The following KIF20A variants were observed in gnomAD, a reference collection of about 807,000 sequenced individuals.
KIF20A encodes kinesin family member 20A, also known as kinesin-like protein KIF20A.
In KIF20A, 66 loss-of-function variants were observed where a neutral mutation model predicts 113.0. The ratio of observed to expected loss-of-function variants is 0.58; its 90% CI spans 0.48 to 0.72. KIF20A has a LOEUF of 0.72. Ranked by LOEUF, KIF20A falls within the 30% of genes least tolerant of loss-of-function variation. KIF20A has a pLI of 0.00. For synonymous variants in KIF20A, 376 were observed against 402.3 expected (o/e 0.93, Z 0.78); for missense variants, 927 against 1,077.6 (o/e 0.86, Z 1.96).
At position 138,183,026 on chromosome 5, in the gene KIF20A, A is replaced by C; in HGVS notation, c.832+36A>C. 6.2e-7 allele frequency: 1 copy of C among 1,613,448 alleles called. No homozygotes were observed. The highest frequency in any genetic ancestry group is 8.5e-7 in the Non-Finnish European group (1 of 1,179,744). On this transcript the variant is annotated intron_variant, in intron 7 of 18. Transcript: ENST00000394894. The surrounding 1 kb of genome is among the most constrained non-coding windows in gnomAD (Gnocchi z 5.2). ...TGACTGGGCTCTGCCAAAAAATAGT[A>C]GGAACTCACTCCCTGTTCCTAATAG...
rs951954060 is a variant in KIF20A, at chr5:138,185,093, A to C, written c.1824-2A>C. On this transcript the variant is annotated splice_acceptor_variant, in intron 14 of 18. Transcript: ENST00000394894. LOFTEE classifies it high-confidence loss of function. ...CTCTCTTTTCTCCTCTGTTTCTGACAGTGAACATTTGGACACCCAAAAGGA... is the reference window on the plus strand; with the variant it reads ...CTCTCTTTTCTCCTCTGTTTCTGACCGTGAACATTTGGACACCCAAAAGGA... 10 of 1,611,546 alleles carry C rather than the reference A, an allele frequency of 6.2e-6. No individual in the cohort carries two copies. In the African/African-American group the frequency reaches 1.3e-4, roughly 22 times the overall value.
chr5:138,186,962 C>G (rs753249407), intron 18 of KIF20A, 134 bp from the exon 19 acceptor site: 259 of 708,570 alleles, frequency 3.7e-4, no homozygotes, highest in Non-Finnish European at 5.5e-4. Context: ...TAAGCTCCGA[C>G]CTTAAAGAGT....
chr5:138,184,852 G>A lies in KIF20A; in HGVS notation c.1729G>A (p.Glu577Lys), dbSNP rs200142157. Residue 577 changes from glutamate to lysine, a missense_variant, in exon 14 of 19, where the codon GAA becomes AAA. Glu to Lys is a moderately conservative substitution (Grantham distance 56, BLOSUM62 1). Coordinates refer to ENST00000394894, the MANE Select transcript of KIF20A (RefSeq NM_005733.3). ...AGCCATGAAGACACTGCTTTTGAAG[G>A]AACGACAGGAAAAGCTACAGCTGGA... ...VEAMKTLLLKERQEKLQLEMH... is the reference protein window; with the variant it reads ...VEAMKTLLLKKRQEKLQLEMH... 2.0e-5 allele frequency: 33 copies of A among 1,614,172 alleles called. No homozygotes were observed. In the African/African-American group the frequency reaches 3.7e-4, roughly 18 times the overall value.
Position 138,187,181 on chromosome 5 carries a change from A to G in KIF20A, c.2441A>G (p.Tyr814Cys), listed in dbSNP as rs61753425. 6.2e-7 allele frequency: 1 copy of G among 1,614,140 alleles called. No homozygotes were observed. Among genetic ancestry groups the G allele is most frequent in the Non-Finnish European group, 8.5e-7 (1 of 1,179,996 alleles). ...RKKAACIAEQ[Y>C]HTVLKLQGQV... ...AAGGCAGCATGTATTGCTGAGCAGT[A>G]TCATACTGTGTTGAAACTCCAAGGC... The change falls in exon 19 of 19, where the codon TAT (tyrosine) becomes TGT (cysteine). Residue 814 changes from tyrosine to cysteine, a missense_variant. Transcript: ENST00000394894.
chr5:138,184,714 A>G (rs1754716420), intron 13 of KIF20A, 38 bp downstream of exon 13: 1 of 1,610,550 alleles, frequency 6.2e-7, no homozygotes, highest in South Asian at 1.1e-5. Flanking sequence ...GCAGCTTAGT[A>G]GCTACACATT....
At chr5:138,184,461 G>C (rs575409943) in intron 12 of KIF20A, 51 bp from the exon 13 acceptor site, 1 of 1,611,228 alleles carries the variant, frequency 6.2e-7, no homozygotes, top group Non-Finnish European at 8.5e-7. Flanking sequence ...CTCTAAGAAA[G>C]CTCCTAGGGA....
In KIF20A at chr5:138,181,665, T is replaced by G. The variant is rs1048957; in HGVS notation, c.312T>G (p.Ser104=). 29,171 of 1,614,176 alleles carry G rather than the reference T, an allele frequency of 0.018. 345 individuals are homozygous for G. The highest frequency in any genetic ancestry group is 0.033 in the Middle Eastern group (200 of 6,060). ...TTGTTCTACAAGCACCCAAGGACTC[T>G]TTTGCCCTGAAGAGCAATGAACGGG... The part of the protein sequence containing the change: ...ETLVLQAPKD[S]FALKSNERGI... Residue 104 remains serine, a synonymous_variant, in exon 4 of 19, where the codon TCT becomes TCG. Coordinates refer to ENST00000394894, the MANE Select transcript of KIF20A (RefSeq NM_005733.3).
At position 138,181,438 on chromosome 5, in the gene KIF20A, G is replaced by A. The variant is rs1754659500; in HGVS notation, c.182G>A (p.Ser61Asn). ...CTGCCACAGGTTCCATCTGAGGACAGTATGGAGAAGGTGAAAGTATACTTG... is the reference window on the plus strand; with the variant it reads ...CTGCCACAGGTTCCATCTGAGGACAATATGGAGAAGGTGAAAGTATACTTG... The part of the protein sequence containing the change: ...EDKQQVPSED[S>N]MEKVKVYLRV... Residue 61 changes from serine to asparagine, a missense_variant, in exon 3 of 19, where the codon AGT (serine) becomes AAT (asparagine). By Grantham distance (46) the Ser-to-Asn change is conservative. Coordinates refer to ENST00000394894, the MANE Select transcript of KIF20A (RefSeq NM_005733.3). 1 of 1,613,994 alleles carries A rather than the reference G, an allele frequency of 6.2e-7. No individual in the cohort carries two copies. The highest frequency in any genetic ancestry group is 8.5e-7 in the Non-Finnish European group (1 of 1,179,830).
rs776419867 is a variant in KIF20A, at chr5:138,185,722, GAC to G, written c.2125+14_2125+15del. 59 of 1,613,542 alleles carry G rather than the reference GAC, an allele frequency of 3.7e-5. No individual in the cohort carries two copies. The highest frequency in any genetic ancestry group is 4.6e-5 in the Non-Finnish European group (54 of 1,179,602). ...CTCTACCACTGAAGGTGAGGAAAGA[GAC>G]AGGCAGGAAACATAACAGTGGTTCA... On this transcript the variant is annotated intron_variant, in intron 16 of 18. Transcript: ENST00000394894.
chr5:138,181,881 C>A, intron 4 of KIF20A, 153 bp downstream of exon 4: 1 of 752,938 alleles, frequency 1.3e-6, no homozygotes, highest in Non-Finnish European at 2.2e-6. Context: ...GTCAATGTGT[C>A]AAGTAACATA....
At position 138,184,554 on chromosome 5, in the gene KIF20A, C is replaced by T; in HGVS notation, c.1561C>T (p.His521Tyr). 4 of 1,614,154 alleles carry T rather than the reference C, an allele frequency of 2.5e-6. No individual in the cohort carries two copies. The highest frequency in any genetic ancestry group is 3.4e-6 in the Non-Finnish European group (4 of 1,180,008). The change falls in exon 13 of 19, where the codon CAC (histidine) becomes TAC (tyrosine). Residue 521 changes from histidine (H) to tyrosine (Y), a missense_variant. Coordinates refer to ENST00000394894, the MANE Select transcript of KIF20A (RefSeq NM_005733.3). ...TATGCAACTGGGATTCCCATCCCTGCACTCGTTCATCAAGGAACATAGTCT... is the reference window on the plus strand; with the variant it reads ...TATGCAACTGGGATTCCCATCCCTGTACTCGTTCATCAAGGAACATAGTCT... ...PPMQLGFPSL[H>Y]SFIKEHSLQV... is the part of the protein sequence containing the mutation.
In KIF20A at chr5:138,181,667, T is replaced by C. The variant is rs774089850; in HGVS notation, c.314T>C (p.Phe105Ser). ...TLVLQAPKDS[F>S]ALKSNERGIG... ...GTTCTACAAGCACCCAAGGACTCTT[T>C]TGCCCTGAAGAGCAATGAACGGGGA... is the stretch of plus-strand genomic sequence containing the variant. Residue 105 changes from phenylalanine (F) to serine (S), a missense_variant, in exon 4 of 19, where the codon TTT becomes TCT. Physicochemically the swap from Phe to Ser is radical, Grantham distance 155 (BLOSUM62 -2). Transcript: ENST00000394894. The C allele has an allele frequency of 1.2e-6, 2 of 1,614,242 alleles. No homozygotes were observed. Among genetic ancestry groups the C allele is most frequent in the Non-Finnish European group, 1.7e-6 (2 of 1,180,048 alleles).
In KIF20A at chr5:138,183,932, C is replaced by T. The variant is rs141047900; in HGVS notation, c.1209-30C>T. The stretch of plus-strand genomic sequence containing the variant: ...CCAGAAGGCTCATAACATGTGAGGC[C>T]CTTATGTCAGATCCTGTGCATCATT... On this transcript the variant is annotated intron_variant, in intron 10 of 18. Coordinates refer to ENST00000394894, the MANE Select transcript of KIF20A (RefSeq NM_005733.3). The surrounding 1 kb of genome is among the most constrained non-coding windows in gnomAD (Gnocchi z 5.2). The T allele has an allele frequency of 8.7e-6, 14 of 1,613,740 alleles. No homozygotes were observed. In the African/African-American group the frequency reaches 1.6e-4, roughly 18 times the overall value.
In KIF20A at chr5:138,187,095, G is replaced by A; in HGVS notation, c.2356-1G>A. 6.2e-7 allele frequency: 1 copy of A among 1,606,694 alleles called. No homozygotes were observed. The highest frequency in any genetic ancestry group is 8.5e-7 in the Non-Finnish European group (1 of 1,175,030). On this transcript the variant is annotated splice_acceptor_variant, in intron 18 of 18. Transcript: ENST00000394894. LOFTEE classifies it high-confidence loss of function. ...TCTATAACTTTATTGATCTTCCTTAGGACCAGACTCTGGCTGAACTGCAGA... is the reference window on the plus strand; with the variant it reads ...TCTATAACTTTATTGATCTTCCTTAAGACCAGACTCTGGCTGAACTGCAGA...
At position 138,185,610 on chromosome 5, in the gene KIF20A, G is replaced by A. The variant is rs200214829; in HGVS notation, c.2025G>A (p.Arg675=). The A allele has an allele frequency of 6.2e-7, 1 of 1,614,214 alleles. No individual in the cohort carries two copies. The highest frequency in any genetic ancestry group is 1.1e-5 in the South Asian group (1 of 91,088). The part of the protein sequence containing the change: ...HQQSGSELAL[R]RSQRLAASAS... Reference sequence around the variant, plus strand: ...AATCAGGGTCTGAATTGGCCCTACGGCGGTCACAAAGGTTGGCAGCTTCTG... The same window carrying A: ...AATCAGGGTCTGAATTGGCCCTACGACGGTCACAAAGGTTGGCAGCTTCTG... Residue 675 remains arginine, a synonymous_variant, in exon 16 of 19, where the codon CGG becomes CGA. Coordinates refer to ENST00000394894, the MANE Select transcript of KIF20A (RefSeq NM_005733.3).
intron 2 of KIF20A, among the ~76,000 whole-genome samples, chr5:138,180,816 A>G (rs1402004001): frequency 1.3e-5 from 2 of 152,150 alleles, no homozygotes; most frequent in African/African-American, 2.4e-5. Flanking sequence ...AGCTGGAATT[A>G]CAGGCACCTA....
rs1754679820 is a variant in KIF20A at position 138,182,664 on chromosome 5, C to T, written c.593C>T (p.Thr198Ile). 13 of 1,614,152 alleles carry T rather than the reference C, an allele frequency of 8.1e-6. No homozygotes were observed. Among genetic ancestry groups the T allele is most frequent in the Non-Finnish European group, 1.1e-5 (13 of 1,180,014 alleles). Residue 198 changes from threonine (T) to isoleucine (I), a missense_variant, in exon 6 of 19, where the codon ACA becomes ATA. Transcript: ENST00000394894. ...AGCCTCCAAGGCCAACTTCATCCAA[C>T]ACCTGATCTGAAGCCCTTGCTCTCC... ...FNSLQGQLHPTPDLKPLLSNE... is the reference protein window; with the variant it reads ...FNSLQGQLHPIPDLKPLLSNE...
At chr5:138,182,028 G>A (rs1754669197) in intron 4 of KIF20A, 1 of 565,670 alleles carries the variant, frequency 1.8e-6, no homozygotes. Context: ...CCTGAGTCTA[G>A]ATCCATGTAT....
rs774852632 is a variant in KIF20A at position 138,182,774 on chromosome 5, G to GT, written c.702+2dup. 1.9e-6 allele frequency: 3 copies of GT among 1,613,614 alleles called. No homozygotes were observed. Among genetic ancestry groups the GT allele is most frequent in the Non-Finnish European group, 2.5e-6 (3 of 1,179,996 alleles). ...CCTGCTAAATGGAGGCCTCCAAGAG[G>GT]TAAAGCATTGGTATCCATGGCAGTG... On this transcript the variant is annotated splice_donor_variant, in intron 6 of 18. Transcript: ENST00000394894. LOFTEE classifies it high-confidence loss of function.
Sources: allele counts gnomAD v4.1 joint callset (sites outside exome capture counted in the v4.1 genomes callset), GRCh38; gene constraint gnomAD v4.1.1; non-coding constraint Gnocchi (gnomAD v3.1); transcripts MANE v1.5; gene names NCBI Gene and HGNC (gene_info 2026-07-23, HGNC 2026-07-21).